LRP1B: variants seen among roughly 807,000 people sequenced by gnomAD.
LRP1B encodes the protein low-density lipoprotein receptor-related protein 1B.
A neutral mutation model predicts 556.6 loss-of-function variants in LRP1B; 217 were observed. The observed-to-expected ratio is 0.39, with a 90% CI of 0.35 to 0.44. The LOEUF is 0.44. LRP1B is among the 20% of genes least tolerant of loss of function. The pLI, the probability that LRP1B is intolerant of heterozygous loss-of-function variation, is 1.00. For synonymous variants in LRP1B, 2,047 were observed against 1,865.8 expected (o/e 1.10, Z -2.50); for missense variants, 5,053 against 5,620.8 (o/e 0.90, Z 3.23).
chr2:140,860,561 T>C (rs1397815460), intron 27 of LRP1B, among the ~76,000 whole-genome samples: 1 of 152,104 alleles, frequency 6.6e-6, no homozygotes, highest in African/African-American at 2.4e-5. Flanking sequence ...TCTGTTTACA[T>C]GAAAAATAAG....
chr2:141,938,684 A>AGGT (rs1168028209), intron 1 of LRP1B, among the ~76,000 whole-genome samples: 1 of 152,162 alleles, frequency 6.6e-6, no homozygotes, highest in Non-Finnish European at 1.5e-5. Context: ...ATATGGAAAC[A>AGGT]ACCTAAGTGT....
chr2:141,582,089 T>A (rs1277110669), intron 2 of LRP1B, among the ~76,000 whole-genome samples: 1 of 152,216 alleles, frequency 6.6e-6, no homozygotes, highest in Non-Finnish European at 1.5e-5. Flanking sequence ...TAAAATATGT[T>A]CACTGGCTTG....
chr2:140,506,729 T>C (rs1303704880), intron 53 of LRP1B, 67 bp downstream of exon 53: 2 of 1,531,488 alleles, frequency 1.3e-6, no homozygotes, highest in African/African-American at 2.8e-5. Flanking sequence ...TAGTTTTTTA[T>C]TTACATACTA....
intron 59 of LRP1B, among the ~76,000 whole-genome samples, chr2:140,483,657 T>C (rs1339842893): frequency 4.8e-4 from 55 of 115,514 alleles, no homozygotes; most frequent in African/African-American, 1.6e-3. Flanking sequence ...TTTTTTTTTT[T>C]TGAGACACTG....
intron 1 of LRP1B, among the ~76,000 whole-genome samples, chr2:141,929,553 G>A (rs1266843661): frequency 2.0e-5 from 3 of 151,776 alleles, no homozygotes; most frequent in Non-Finnish European, 4.4e-5. Context: ...TGATTTGTCT[G>A]TTTACTCTTT....
intron 4 of LRP1B, among the ~76,000 whole-genome samples, chr2:141,247,785 C>T (rs1281807922): frequency 6.6e-6 from 1 of 152,176 alleles, no homozygotes; most frequent in Non-Finnish European, 1.5e-5. Context: ...AAATCACACT[C>T]ACTACTTTAA....
intron 2 of LRP1B, among the ~76,000 whole-genome samples, chr2:141,511,111 G>C (rs1684115257): frequency 6.6e-6 from 1 of 152,116 alleles, no homozygotes; most frequent in South Asian, 2.1e-4. Flanking sequence ...CTACTACACA[G>C]CATAGAGCTG....
chr2:141,238,712 A>G (rs1378489560), intron 5 of LRP1B, among the ~76,000 whole-genome samples: 2 of 152,116 alleles, frequency 1.3e-5, no homozygotes, highest in African/African-American at 4.8e-5. Context: ...CTTTAGAGAG[A>G]GTAATCTAAT....
At chr2:140,730,135 C>T (rs149112917) in intron 35 of LRP1B, among the ~76,000 whole-genome samples, 467 of 152,288 alleles carry the variant, frequency 3.1e-3, no homozygotes, top group African/African-American at 0.011. Context: ...CTACATATAC[C>T]ACTACAGTTT....
chr2:140,436,679 T>C (rs1331563698), intron 66 of LRP1B, among the ~76,000 whole-genome samples: 2 of 151,954 alleles, frequency 1.3e-5, no homozygotes, highest in African/African-American at 4.8e-5. Flanking sequence ...GAGTAAGATA[T>C]TAACCAGAAG....
chr2:140,708,154 T>G (rs555407097), intron 37 of LRP1B, among the ~76,000 whole-genome samples: 1 of 152,132 alleles, frequency 6.6e-6, no homozygotes, highest in Admixed American at 6.6e-5. Flanking sequence ...TACTTAAAAT[T>G]TGCTAGTCTC....
At chr2:141,312,381 TA>T (rs775345503) in intron 3 of LRP1B, among the ~76,000 whole-genome samples, 10 of 152,230 alleles carry the variant, frequency 6.6e-5, no homozygotes, top group Admixed American at 1.3e-4. Context: ...TATCTTACTT[TA>T]TTGTAAGAAT....
chr2:140,794,478 AACACAC>A (rs6146938), intron 32 of LRP1B, among the ~76,000 whole-genome samples: 12,735 of 149,918 alleles, frequency 0.085, 554 homozygotes, highest in African/African-American at 0.11. Context: ...AGCTATTTAA[AACACAC>A]ACACACACAC....
intron 41 of LRP1B, among the ~76,000 whole-genome samples, chr2:140,629,828 G>T (rs184646700): frequency 3.5e-4 from 53 of 152,194 alleles, no homozygotes; most frequent in South Asian, 1.0e-3. Context: ...TTTTGATTTT[G>T]CAATTTAATA....
chr2:140,297,970 C>A lies in LRP1B; in HGVS notation c.12806-1G>T. 1 of 1,586,706 alleles carries A rather than the reference C, an allele frequency of 6.3e-7. No homozygotes were observed. Among genetic ancestry groups the A allele is most frequent in the South Asian group, 1.1e-5 (1 of 88,224 alleles). On this transcript the variant is annotated splice_acceptor_variant, in intron 83 of 90. Coordinates refer to ENST00000389484, the MANE Select transcript of LRP1B (RefSeq NM_018557.3). LOFTEE classifies it high-confidence loss of function. ...AGTGCACAGCTGCAGGTGGGTCTCCCTATTGGAAACAATAAGTAATAAAAA... is the reference window on the plus strand; with the variant it reads ...AGTGCACAGCTGCAGGTGGGTCTCCATATTGGAAACAATAAGTAATAAAAA...
rs527543626 is a variant in LRP1B at position 140,331,488 on chromosome 2, A to C, written c.12223+2965T>G. The stretch of plus-strand genomic sequence containing the variant: ...ATACAATGGCTCAATATTGGCTAAA[A>C]AGTTATGTTGAAGCCCTTTGGCATT... On this transcript the variant is annotated intron_variant, in intron 79 of 90. Transcript: ENST00000389484. Among the ~76,000 whole-genome samples, 3 of 151,966 alleles carry C rather than the reference A, an allele frequency of 2.0e-5. No homozygotes were observed. The East Asian group carries it at 5.8e-4, about 30-fold the overall frequency.
chr2:140,428,367 G>A (rs140453751), intron 66 of LRP1B, among the ~76,000 whole-genome samples: 6,512 of 152,150 alleles, frequency 0.043, 232 homozygotes, highest in Non-Finnish European at 0.054. Context: ...CGCCTAAACC[G>A]CAGTGGCCAG....
chr2:140,567,366 C>G (rs1295034832), intron 43 of LRP1B, among the ~76,000 whole-genome samples: 3 of 152,158 alleles, frequency 2.0e-5, no homozygotes, highest in African/African-American at 7.2e-5. Context: ...TCCTTGGGAG[C>G]CAAGTTACCA....
intron 1 of LRP1B, among the ~76,000 whole-genome samples, chr2:142,072,030 C>G (rs1019073995): frequency 6.6e-6 from 1 of 151,978 alleles, no homozygotes; most frequent in South Asian, 2.1e-4. Context: ...CTCCCTCTCT[C>G]ATTCCCCATG....
Sources: allele counts gnomAD v4.1 joint callset (sites outside exome capture counted in the v4.1 genomes callset), GRCh38; gene constraint gnomAD v4.1.1; transcripts MANE v1.5; gene names NCBI Gene and HGNC (gene_info 2026-07-23, HGNC 2026-07-21).